Variants in WBP2NL observed in about 807,000 individuals in gnomAD.
The protein encoded by WBP2NL is postacrosomal sheath WW domain-binding protein.
WBP2NL carries 27 observed loss-of-function variants against 23.3 expected under a neutral mutation model. The ratio of observed to expected loss-of-function variants is 1.16; its 90% CI spans 0.85 to 1.60. The LOEUF (loss-of-function observed/expected upper bound fraction) is 1.60, where lower values mean the gene tolerates loss of function less well. Among genes scored for constraint, WBP2NL ranks in the 40% most tolerant of loss-of-function variants. The pLI is 0.00. For synonymous variants in WBP2NL, 151 were observed against 145.9 expected, an observed-to-expected ratio of 1.03 and a Z score of -0.25; for missense variants, 370 against 389.5, an observed-to-expected ratio of 0.95 and a Z score of 0.42.
At chr22:42,004,101 T>C (rs1023364901) in intron 1 of WBP2NL, among the ~76,000 whole-genome samples, 11 of 151,922 alleles carry the variant, frequency 7.2e-5, no homozygotes, top group African/African-American at 2.7e-4. Context: ...TGAAACCCTG[T>C]CTCTACTAAG....
At chr22:42,011,695 A>G (rs766194622) in intron 1 of WBP2NL, among the ~76,000 whole-genome samples, 11 of 151,248 alleles carry the variant, frequency 7.3e-5, no homozygotes, top group African/African-American at 7.3e-5. Context: ...TTGACATACA[A>G]TTGTCCTTGG....
chr22:42,006,128 A>G (rs1038446998), intron 1 of WBP2NL, among the ~76,000 whole-genome samples: 1 of 152,186 alleles, frequency 6.6e-6, no homozygotes, highest in African/African-American at 2.4e-5. Context: ...CATCGTTCTC[A>G]TCAAACAAAG....
chr22:42,019,879 C>T (rs2146787576), intron 3 of WBP2NL, 76 bp downstream of exon 3: 2 of 1,599,454 alleles, frequency 1.3e-6, no homozygotes, highest in East Asian at 4.5e-5. Flanking sequence ...AAACTTGGCT[C>T]ATGTTGAAAT....
At chr22:42,033,281 G>C (rs765959567), downstream of WBP2NL, among the ~76,000 whole-genome samples, 10 of 152,224 alleles carry the variant, frequency 6.6e-5, no homozygotes, top group Non-Finnish European at 1.0e-4. Flanking sequence ...CCAGGGAAAA[G>C]GTGGTGCCCA....
At chr22:42,011,079 T>C (rs1922769129) in intron 1 of WBP2NL, among the ~76,000 whole-genome samples, 1 of 152,232 alleles carries the variant, frequency 6.6e-6, no homozygotes, top group African/African-American at 2.4e-5. Context: ...TCAGAGATAC[T>C]GACCTGCAAT....
intron 5 of WBP2NL, among the ~76,000 whole-genome samples, chr22:42,026,337 A>G (rs542203618): frequency 8.6e-5 from 13 of 151,016 alleles, no homozygotes; most frequent in African/African-American, 3.1e-4. Context: ...TATGATCATG[A>G]TTATATAAAG....
chr22:42,000,225 C>G (rs1477227533), intron 1 of WBP2NL, among the ~76,000 whole-genome samples: 1 of 152,168 alleles, frequency 6.6e-6, no homozygotes, highest in Non-Finnish European at 1.5e-5. Context: ...TTCTATCTTT[C>G]CTTCCTCCAG....
chr22:42,056,655 T>A (rs1192561774), intron 8 of WBP2NL, among the ~76,000 whole-genome samples: 1 of 152,202 alleles, frequency 6.6e-6, no homozygotes, highest in Non-Finnish European at 1.5e-5. Flanking sequence ...AATTTTTTCA[T>A]AGTCTTTTTC....
downstream of WBP2NL, chr22:42,032,735 T>G (rs1348470966): frequency 6.4e-6 from 3 of 470,304 alleles, no homozygotes; most frequent in African/African-American, 2.0e-5. Context: ...AACCATGGAC[T>G]GCTAGAGAAT....
chr22:42,040,968 C>CCTGAATG (rs1348773625), intron 8 of WBP2NL, among the ~76,000 whole-genome samples: 1 of 152,032 alleles, frequency 6.6e-6, no homozygotes, highest in African/African-American at 2.4e-5. Context: ...TGGTTGTCTG[C>CCTGAATG]CTGAATGTGC....
chr22:42,001,205 G>A, intron 1 of WBP2NL: 2 of 732,534 alleles, frequency 2.7e-6, no homozygotes, highest in Non-Finnish European at 2.5e-6. Flanking sequence ...GCAGTCAAAT[G>A]TGCCTGTGTA....
intron 1 of WBP2NL, among the ~76,000 whole-genome samples, chr22:42,005,640 A>G (rs545945018): frequency 2.0e-4 from 30 of 152,364 alleles, no homozygotes; most frequent in Admixed American, 3.3e-4. Context: ...AGCAGAAACA[A>G]TAACCAATAC....
downstream of WBP2NL, among the ~76,000 whole-genome samples, chr22:42,036,344 T>C (rs1488338674): frequency 1.3e-5 from 2 of 152,124 alleles, no homozygotes; most frequent in East Asian, 3.9e-4. Flanking sequence ...CCGGCTAATT[T>C]TTTTTACTTT....
chr22:42,005,565 A>G lies in WBP2NL; in HGVS notation c.62+6685A>G, dbSNP rs575906604. Among the ~76,000 whole-genome samples, 186 of 152,364 alleles carry G rather than the reference A, an allele frequency of 1.2e-3. 1 individual carries two copies. The highest frequency in any genetic ancestry group is 2.0e-3 in the Non-Finnish European group (134 of 68,032). ...TGAAGCCTGTGGTGGCAGACCATCC[A>G]CATTAATTTGTGAGGAAAAAATTCA... On this transcript the variant is annotated intron_variant, in intron 1 of 5. Coordinates refer to ENST00000328823, the MANE Select transcript of WBP2NL (RefSeq NM_152613.3).
chr22:42,019,319 A>C lies in WBP2NL; in HGVS notation c.71A>C (p.Lys24Thr), dbSNP rs1457203914. ...TTCCTCATTTTCTACAGTCTCTTGA[A>C]GCGGTCTCCGAATGTGGAGCTCTCC... The part of the protein sequence containing the change: ...ALIPNGESLL[K>T]RSPNVELSFP... The change falls in exon 2 of 6, where the codon AAG (lysine) becomes ACG (threonine). Residue 24 changes from lysine (K) to threonine (T), a missense_variant. Transcript: ENST00000328823. The C allele has an allele frequency of 3.1e-6, 5 of 1,613,766 alleles. No homozygotes were observed. The South Asian group carries it at 5.5e-5, about 18-fold the overall frequency.
chr22:41,999,064 G>C (rs974922043), intron 1 of WBP2NL, among the ~76,000 whole-genome samples, 184 bp downstream of exon 1: 4 of 151,938 alleles, frequency 2.6e-5, no homozygotes, highest in African/African-American at 9.7e-5. Context: ...TGGAGGTGGC[G>C]GAGGCCGGAA....
At chr22:42,046,411 A>C (rs1925588533) in intron 8 of WBP2NL, among the ~76,000 whole-genome samples, 1 of 152,220 alleles carries the variant, frequency 6.6e-6, no homozygotes, top group Admixed American at 6.5e-5. Context: ...GATTCCTATA[A>C]TGGGAGCATC....
At chr22:42,049,964 G>A (rs1354771267) in intron 8 of WBP2NL, among the ~76,000 whole-genome samples, 4 of 127,040 alleles carry the variant, frequency 3.1e-5, no homozygotes, top group Non-Finnish European at 4.8e-5. Context: ...GCAAAGAAGC[G>A]AGACTCCGTC....
At chr22:42,020,704 C>T (rs1923814124) in intron 4 of WBP2NL, among the ~76,000 whole-genome samples, 1 of 150,770 alleles carries the variant, frequency 6.6e-6, no homozygotes, top group African/African-American at 2.4e-5. Flanking sequence ...TTTCTTCTCT[C>T]TGGACTTGCC....
Sources: allele counts gnomAD v4.1 joint callset (sites outside exome capture counted in the v4.1 genomes callset), GRCh38; gene constraint gnomAD v4.1.1; transcripts MANE v1.5; gene names NCBI Gene and HGNC (gene_info 2026-07-23, HGNC 2026-07-21).